The following UTP20 variants were observed in gnomAD, a reference collection of about 807,000 sequenced individuals.
The protein encoded by UTP20 is small subunit processome component 20 homolog.
In UTP20, 164 loss-of-function variants were observed where a neutral mutation model predicts 329.5. That is an observed-to-expected ratio of 0.50 (90% CI 0.44 to 0.57). The LOEUF (loss-of-function observed/expected upper bound fraction) is 0.57, where lower values mean the gene tolerates loss of function less well. Among genes scored for constraint, UTP20 ranks in the 20% least tolerant of loss-of-function variants. The probability of loss-of-function intolerance (pLI) is 0.00; values close to 1 mark genes in which losing one functional copy is unlikely to be tolerated. For missense variants in UTP20, 3,055 were observed against 3,284.2 expected, an observed-to-expected ratio of 0.93 and a Z score of 1.71; for synonymous variants, 1,151 against 1,159.3, an observed-to-expected ratio of 0.99 and a Z score of 0.14.
intron 58 of UTP20, among the ~76,000 whole-genome samples, chr12:101,381,683 A>G (rs1407334345): frequency 6.6e-6 from 1 of 152,160 alleles, no homozygotes; most frequent in Non-Finnish European, 1.5e-5. Context: ...TGTCTTGTCA[A>G]CACTGGGTCT....
At chr12:101,364,854 G>T (rs1870041372) in intron 45 of UTP20, among the ~76,000 whole-genome samples, 1 of 152,112 alleles carries the variant, frequency 6.6e-6, no homozygotes, top group Non-Finnish European at 1.5e-5. Flanking sequence ...ATATATCCGT[G>T]ATGTATATTA....
At chr12:101,310,913 C>G (rs77781569) in intron 19 of UTP20, among the ~76,000 whole-genome samples, 33 of 152,284 alleles carry the variant, frequency 2.2e-4, no homozygotes, top group African/African-American at 7.7e-4. Context: ...CCAACATCAG[C>G]TTCATTATTT....
Position 101,286,364 on chromosome 12 carries a change from C to G in UTP20, c.370C>G (p.Pro124Ala). 6.2e-7 allele frequency: 1 copy of G among 1,613,192 alleles called. No individual in the cohort carries two copies. The highest frequency in any genetic ancestry group is 8.5e-7 in the Non-Finnish European group (1 of 1,179,598). ...ACGAGATCTGCAGATGGATTTCTACCCACACTTTCCAGAGTTTTTTTTGAC... is the reference window on the plus strand; with the variant it reads ...ACGAGATCTGCAGATGGATTTCTACGCACACTTTCCAGAGTTTTTTTTGAC... ...LARDLQMDFYPHFPEFFLTIT... is the reference protein window; with the variant it reads ...LARDLQMDFYAHFPEFFLTIT... The change falls in exon 5 of 62, where the codon CCA (proline) becomes GCA (alanine). Residue 124 changes from proline (P) to alanine (A), a missense_variant. Pro to Ala is a conservative substitution (Grantham distance 27, BLOSUM62 -1). Transcript: ENST00000261637.
Position 101,379,578 on chromosome 12 carries a change from T to A in UTP20, c.7584+20T>A, listed in dbSNP as rs1870579625. ...CAAAAGGTAAGCTTTCTCTCAAACC[T>A]TTTCCTTCCCTCGTGACTGTAAGAT... On this transcript the variant is annotated intron_variant, in intron 57 of 61. Coordinates refer to ENST00000261637, the MANE Select transcript of UTP20 (RefSeq NM_014503.3). The A allele has an allele frequency of 6.3e-7, 1 of 1,596,220 alleles. No individual in the cohort carries two copies. The highest frequency in any genetic ancestry group is 1.7e-5 in the Admixed American group (1 of 58,332).
At chr12:101,346,788 T>A (rs1869339404) in intron 38 of UTP20, among the ~76,000 whole-genome samples, 200 bp downstream of exon 38, 1 of 152,232 alleles carries the variant, frequency 6.6e-6, no homozygotes, top group Non-Finnish European at 1.5e-5. Context: ...GTTTTTGCTA[T>A]TATTAGCTCA....
chr12:101,305,300 T>C (rs975538689), intron 15 of UTP20, among the ~76,000 whole-genome samples: 4 of 152,030 alleles, frequency 2.6e-5, no homozygotes, highest in African/African-American at 9.7e-5. Flanking sequence ...TGTTAACTGC[T>C]ATATCTACAG....
At chr12:101,304,456 T>A (rs1872602066) in intron 15 of UTP20, among the ~76,000 whole-genome samples, 1 of 152,218 alleles carries the variant, frequency 6.6e-6, no homozygotes, top group Non-Finnish European at 1.5e-5. Flanking sequence ...GTGTGGGTAC[T>A]GTTATCAGTA....
intron 11 of UTP20, 146 bp from the exon 12 acceptor site, chr12:101,295,334 A>T (rs1181959855): frequency 1.5e-6 from 1 of 684,036 alleles, no homozygotes; most frequent in Non-Finnish European, 2.3e-6. Flanking sequence ...ATGGCTGCAC[A>T]GTCTTTAGTT....
At chr12:101,320,964 G>C (rs1868358280) in intron 24 of UTP20, 27 bp downstream of exon 24, 4 of 1,564,920 alleles carry the variant, frequency 2.6e-6, no homozygotes, top group South Asian at 2.4e-5. Flanking sequence ...TTAAAGAACT[G>C]TTATTTCTTC....
rs751546746 is a variant in UTP20 at position 101,369,860 on chromosome 12, A to G, written c.6524A>G (p.Gln2175Arg). ...GCAAAGCTCGGGGCCGCCAGGGGCCAGAACTTCCACCTTGTGGTCAATTGT... is the reference window on the plus strand; with the variant it reads ...GCAAAGCTCGGGGCCGCCAGGGGCCGGAACTTCCACCTTGTGGTCAATTGT... The part of the protein sequence containing the change: ...DYAKLGAARG[Q>R]NFHLVVNCFK... Residue 2175 changes from glutamine to arginine, a missense_variant, in exon 49 of 62, where the codon CAG (glutamine) becomes CGG (arginine). By Grantham distance (43) the Gln-to-Arg change is conservative (BLOSUM62 1). Transcript: ENST00000261637. The G allele has an allele frequency of 2.5e-6, 4 of 1,613,922 alleles. No homozygotes were observed. Among genetic ancestry groups the G allele is most frequent in the Non-Finnish European group, 3.4e-6 (4 of 1,179,984 alleles).
chr12:101,379,456 C>G lies in UTP20; in HGVS notation c.7482C>G (p.Cys2494Trp). 1 of 1,614,096 alleles carries G rather than the reference C, an allele frequency of 6.2e-7. No individual in the cohort carries two copies. Among genetic ancestry groups the G allele is most frequent in the Non-Finnish European group, 8.5e-7 (1 of 1,179,984 alleles). Residue 2494 changes from cysteine (C) to tryptophan (W), a missense_variant, in exon 57 of 62, where the codon TGC becomes TGG. Physicochemically the swap from Cys to Trp is radical, Grantham distance 215. Transcript: ENST00000261637. ...AQIFGLLFAS[C>W]QPEELIQKWN... is the part of the protein sequence containing the mutation. The stretch of plus-strand genomic sequence containing the variant: ...TTTTTGGATTACTCTTTGCCTCTTG[C>G]CAGCCAGAGGAGCTTATTCAAAAAT...
chr12:101,283,069 T>C (rs995581313), intron 2 of UTP20, among the ~76,000 whole-genome samples: 1 of 152,220 alleles, frequency 6.6e-6, no homozygotes, highest in Non-Finnish European at 1.5e-5. Context: ...ATCCAAATGA[T>C]AGTGTCCAAA....
chr12:101,359,465 CTG>C (rs368060911), intron 43 of UTP20, among the ~76,000 whole-genome samples: 4,636 of 147,648 alleles, frequency 0.031, 133 homozygotes, highest in Non-Finnish European at 0.041. Flanking sequence ...GTTCCTGAGG[CTG>C]TGTGTGTGTG....
chr12:101,308,763 C>T (rs1457351604), intron 18 of UTP20, among the ~76,000 whole-genome samples: 5 of 149,506 alleles, frequency 3.3e-5, no homozygotes, highest in African/African-American at 1.2e-4. Flanking sequence ...GATGGAGTCT[C>T]GCTCTGTCAC....
chr12:101,293,487 T>C (rs1487486925), intron 11 of UTP20, among the ~76,000 whole-genome samples: 1 of 152,252 alleles, frequency 6.6e-6, no homozygotes, highest in African/African-American at 2.4e-5. Flanking sequence ...AAGAAACTTT[T>C]ATGTGAATTT....
intron 19 of UTP20, among the ~76,000 whole-genome samples, chr12:101,311,397 G>A (rs927949185): frequency 2.0e-5 from 3 of 152,118 alleles, no homozygotes; most frequent in African/African-American, 7.2e-5. Flanking sequence ...TCTCTCCAGA[G>A]GGCCCCTTCT....
intron 21 of UTP20, 87 bp from the exon 22 acceptor site, chr12:101,317,391 T>A (rs1386993910): frequency 9.3e-6 from 13 of 1,397,564 alleles, no homozygotes; most frequent in Non-Finnish European, 1.3e-5. Context: ...TTCTGTGAAC[T>A]GTGGACATCT....
In UTP20 at chr12:101,289,950, T is replaced by C. The variant is rs1047747253; in HGVS notation, c.598-187T>C. The C allele has an allele frequency of 7.9e-6, 3 of 377,844 alleles. No individual in the cohort carries two copies. The South Asian group carries it at 2.2e-4, about 28-fold the overall frequency. The allele number at this position is 377,844 out of a possible 1,614,324, so 23.4% of individuals were successfully genotyped here. On this transcript the variant is annotated intron_variant, in intron 6 of 61. Coordinates refer to ENST00000261637, the MANE Select transcript of UTP20 (RefSeq NM_014503.3). ...CCTGTAATACCAATGAATTCACTCT[T>C]TTGTGTGACATTCCAAGTGAGAACA...
intron 38 of UTP20, among the ~76,000 whole-genome samples, chr12:101,349,582 G>A (rs1869449591): frequency 1.3e-5 from 2 of 152,002 alleles, no homozygotes; most frequent in African/African-American, 4.8e-5. Flanking sequence ...GGGACTACAG[G>A]CATACGCCTT....
Sources: allele counts gnomAD v4.1 joint callset (sites outside exome capture counted in the v4.1 genomes callset), GRCh38; gene constraint gnomAD v4.1.1; transcripts MANE v1.5; gene names NCBI Gene and HGNC (gene_info 2026-07-23, HGNC 2026-07-21).